The following CACNB1 variants were observed in gnomAD, a reference collection of about 807,000 sequenced individuals.
CACNB1 encodes calcium voltage-gated channel auxiliary subunit beta 1.
CACNB1 carries 29 observed loss-of-function variants against 71.6 expected under a neutral mutation model. The observed-to-expected ratio is 0.40, with a 90% confidence interval of 0.30 to 0.55. CACNB1 has a LOEUF of 0.55. CACNB1 is among the 20% of genes least tolerant of loss of function. The probability of loss-of-function intolerance (pLI) is 0.38; values close to 1 mark genes in which losing one functional copy is unlikely to be tolerated. For missense variants in CACNB1, 623 were observed against 801.8 expected (o/e 0.78, Z 2.69); for synonymous variants, 300 against 319.6 (o/e 0.94, Z 0.65).
intron 11 of CACNB1, among the ~76,000 whole-genome samples, chr17:39,179,127 A>G (rs556737666): frequency 3.3e-4 from 50 of 151,664 alleles, no homozygotes; most frequent in South Asian, 1.3e-3. Context: ...CCCCATCTCT[A>G]CTAAAAATAC....
At position 39,174,099 on chromosome 17, in the gene CACNB1, G is replaced by C. The variant is rs2045521272; in HGVS notation, c.*1094C>G. The stretch of plus-strand genomic sequence containing the variant: ...CTGGCCCAGCTGGGATGCTGGGGAG[G>C]GGCAGGGTTGCTGGGCTACAGGGAT... On this transcript the variant is annotated 3_prime_UTR_variant, in exon 14 of 14. Transcript: ENST00000394303. 1 of 152,966 alleles carries C rather than the reference G, an allele frequency of 6.5e-6. No individual in the cohort carries two copies. Among genetic ancestry groups the C allele is most frequent in the East Asian group, 1.9e-4 (1 of 5,274 alleles). 9.5% of individuals were successfully genotyped at this position (152,966 alleles called of 1,614,324 possible). A position where few individuals can be genotyped will look rare whatever the true frequency, so the allele number is the denominator to read the frequency against.
rs559307773 is a variant in CACNB1 at position 39,184,400 on chromosome 17, G to A, written c.730-17C>T. On this transcript the variant is annotated splice_polypyrimidine_tract_variant and intron_variant, in intron 8 of 13. Transcript: ENST00000394303. ...GTCTGTAACCTGGGGGTGGGGGTTT[G>A]TGGGGAGGGAGGGAGGAGAAGGCAG... The A allele has an allele frequency of 7.8e-7, 1 of 1,286,376 alleles. No individual in the cohort carries two copies. Among genetic ancestry groups the A allele is most frequent in the South Asian group, 1.3e-5 (1 of 78,720 alleles). 79.7% of individuals were successfully genotyped at this position (1,286,376 alleles called of 1,614,324 possible). A position where few individuals can be genotyped will look rare whatever the true frequency, so the allele number is the denominator to read the frequency against.
rs370248501 is a variant in CACNB1, at chr17:39,184,869, G to C, written c.649-5C>G. The C allele has an allele frequency of 8.7e-4, 1,343 of 1,547,498 alleles. 23 individuals are homozygous for C. The South Asian group carries it at 0.014, about 16-fold the overall frequency. On this transcript the variant is annotated splice_polypyrimidine_tract_variant and splice_region_variant and intron_variant, in intron 7 of 13. Transcript: ENST00000394303. The stretch of plus-strand genomic sequence containing the variant: ...ATAGGGGGGCACATGCTCTGTCTGG[G>C]GGGGGAAGCAGGGAGGGGAAACCCC...
intron 11 of CACNB1, among the ~76,000 whole-genome samples, chr17:39,180,426 A>T (rs2045723395): frequency 6.6e-6 from 1 of 151,718 alleles, no homozygotes; most frequent in Non-Finnish European, 1.5e-5. Flanking sequence ...AGGCTGAGAC[A>T]GGTGGATCTT....
intron 1 of CACNB1, among the ~76,000 whole-genome samples, chr17:39,196,169 C>A (rs1181985810): frequency 2.0e-5 from 3 of 152,158 alleles, no homozygotes; most frequent in Admixed American, 6.5e-5. Flanking sequence ...CTGCTGGGAT[C>A]AGGGTACAAG....
intron 6 of CACNB1, chr17:39,185,978 T>C (rs746788813): frequency 6.2e-7 from 1 of 1,613,340 alleles, no homozygotes; most frequent in Admixed American, 1.7e-5. Flanking sequence ...GCGTTTGCCA[T>C]GGGGTGGCGG....
chr17:39,175,544 G>A lies in CACNB1; in HGVS notation c.1446C>T (p.Ser482=), dbSNP rs2045556812. The A allele has an allele frequency of 1.9e-6, 3 of 1,613,634 alleles. No individual in the cohort carries two copies. In the South Asian group the frequency reaches 3.3e-5, roughly 18 times the overall value. ...GCGTGCCTGCCCGGCCTGGTGGGTG[G>A]CTGCTGGGGTAAAGGCCTGGGGGCT... ...LGQPPGLYPS[S]HPPGRAGTLR... Residue 482 remains serine (S), a synonymous_variant, in exon 14 of 14, where the codon AGC becomes AGT. Coordinates refer to ENST00000394303, the MANE Select transcript of CACNB1 (RefSeq NM_000723.5). The surrounding 1 kb of genome is among the most constrained non-coding windows in gnomAD (Gnocchi z 4.7).
rs958489268 is a variant in CACNB1, at chr17:39,194,787, AGGGAAG to A, written c.171+91_171+96del. ...GCTCCAGGCAGGTGACAAATGGCAC[AGGGAAG>A]GGTGCCTGGACAATACCGCAGACCT... On this transcript the variant is annotated intron_variant, in intron 2 of 13. Transcript: ENST00000394303. The surrounding 1 kb of genome is among the most constrained non-coding windows in gnomAD (Gnocchi z 4.6). The A allele has an allele frequency of 1.0e-4, 82 of 803,916 alleles. No homozygotes were observed. In the African/African-American group the frequency reaches 1.3e-3, roughly 13 times the overall value. The allele number at this position is 803,916 out of a possible 1,614,324, so 49.8% of individuals were successfully genotyped here. A position where few individuals can be genotyped will look rare whatever the true frequency, so the allele number is the denominator to read the frequency against.
At position 39,186,532 on chromosome 17, in the gene CACNB1, C is replaced by T. The variant is rs1341254968; in HGVS notation, c.592G>A (p.Val198Met). Residue 198 changes from valine to methionine, a missense_variant, in exon 6 of 14, where the codon GTG (valine) becomes ATG (methionine). Transcript: ENST00000394303. This position sits in a 1 kb window ranked among gnomAD's most constrained non-coding sequence, Gnocchi z 4.1. ...DNSSSSLGDV[V>M]TGTRRPTPPA... The stretch of plus-strand genomic sequence containing the variant: ...GGTGTGGGGCGGCGGGTGCCAGTCA[C>T]CACATCTCCCAGACTGGAACTGGAG... The T allele has an allele frequency of 6.2e-7, 1 of 1,613,614 alleles. No individual in the cohort carries two copies. The highest frequency in any genetic ancestry group is 1.1e-5 in the South Asian group (1 of 91,030).
Position 39,184,353 on chromosome 17 carries a change from C to T in CACNB1, c.760G>A (p.Asp254Asn). ...VTDMMQKALF[D>N]FLKHRFDGRI... ...CCATCAAACCGATGCTTCAAGAAGTCAAATAAAGCTTTCTGCATCATGTCT... is the reference window on the plus strand; with the variant it reads ...CCATCAAACCGATGCTTCAAGAAGTTAAATAAAGCTTTCTGCATCATGTCT... Residue 254 changes from aspartate to asparagine, a missense_variant, in exon 9 of 14, where the codon GAC becomes AAC. Transcript: ENST00000394303. The T allele has an allele frequency of 7.9e-7, 1 of 1,268,374 alleles. No individual in the cohort carries two copies. The highest frequency in any genetic ancestry group is 1.0e-6 in the Non-Finnish European group (1 of 961,214). The allele number at this position is 1,268,374 out of a possible 1,614,324, so 78.6% of individuals were successfully genotyped here.
At chr17:39,195,029 T>G in intron 1 of CACNB1, 59 bp from the exon 2 acceptor site, 1 of 1,219,822 alleles carries the variant, frequency 8.2e-7, no homozygotes, top group South Asian at 1.3e-5. Context: ...CCAACCCTCA[T>G]CTTGCCAGCC....
chr17:39,176,143 T>G (rs1234157656), intron 13 of CACNB1, among the ~76,000 whole-genome samples: 2 of 152,186 alleles, frequency 1.3e-5, no homozygotes, highest in African/African-American at 4.8e-5. Flanking sequence ...CAGAACCCCA[T>G]GCTTCTCCCA....
At chr17:39,195,094 T>TG in intron 1 of CACNB1, 124 bp from the exon 2 acceptor site, 1 of 651,500 alleles carries the variant, frequency 1.5e-6, no homozygotes, top group South Asian at 1.8e-5. Context: ...TCCACCCCCC[T>TG]GCACATTCCT....
At chr17:39,181,885 G>A (rs750941882) in intron 11 of CACNB1, among the ~76,000 whole-genome samples, 5 of 151,970 alleles carry the variant, frequency 3.3e-5, no homozygotes, top group Non-Finnish European at 4.4e-5. Flanking sequence ...AGGTGTGGCC[G>A]GGCACAGTGG....
Position 39,175,697 on chromosome 17 carries a change from C to T in CACNB1, c.1333-40G>A, listed in dbSNP as rs1411925730. 3 of 1,447,674 alleles carry T rather than the reference C, an allele frequency of 2.1e-6. No homozygotes were observed. Among genetic ancestry groups the T allele is most frequent in the East Asian group, 2.3e-5 (1 of 43,722 alleles). 89.7% of individuals were successfully genotyped at this position (1,447,674 alleles called of 1,614,324 possible). A position where few individuals can be genotyped will look rare whatever the true frequency, so the allele number is the denominator to read the frequency against. ...GACAGCACACACCATGCAGATCAGG[C>T]AGGGGTGAGAAAAACACAACAAAGC... On this transcript the variant is annotated intron_variant, in intron 13 of 13. Transcript: ENST00000394303. This position sits in a 1 kb window ranked among gnomAD's most constrained non-coding sequence, Gnocchi z 4.7.
intron 6 of CACNB1, chr17:39,185,842 C>A: frequency 8.1e-7 from 1 of 1,231,716 alleles, no homozygotes; most frequent in Non-Finnish European, 1.1e-6. Flanking sequence ...AGCCCTGATG[C>A]CCACAGAACA....
rs940719493 is a variant in CACNB1 at position 39,174,970 on chromosome 17, C to G, written c.*223G>C. 1.8e-6 allele frequency: 1 copy of G among 567,808 alleles called. No individual in the cohort carries two copies. The highest frequency in any genetic ancestry group is 3.1e-6 in the Non-Finnish European group (1 of 321,648). 35.2% of individuals were successfully genotyped at this position (567,808 alleles called of 1,614,324 possible). On this transcript the variant is annotated 3_prime_UTR_variant, in exon 14 of 14. Transcript: ENST00000394303. ...GGGACACTTCAGAAAGGTGGGTATC[C>G]CCCATCCATCCACAACAGGCAGGTA...
At chr17:39,189,483 G>T (rs1027570657) in intron 3 of CACNB1, among the ~76,000 whole-genome samples, 4 of 151,906 alleles carry the variant, frequency 2.6e-5, no homozygotes, top group African/African-American at 9.7e-5. Flanking sequence ...AGCAATATAG[G>T]GAGATCCTGT....
chr17:39,193,473 C>T (rs957450327), intron 2 of CACNB1: 1 of 454,144 alleles, frequency 2.2e-6, no homozygotes, highest in Non-Finnish European at 4.4e-6. Flanking sequence ...GGCTGGGCGC[C>T]TCCATCCCGG....
Sources: allele counts gnomAD v4.1 joint callset (sites outside exome capture counted in the v4.1 genomes callset), GRCh38; gene constraint gnomAD v4.1.1; non-coding constraint Gnocchi (gnomAD v3.1); transcripts MANE v1.5; gene names NCBI Gene and HGNC (gene_info 2026-07-23, HGNC 2026-07-21).